Variants in GRIP1 observed in about 807,000 individuals in gnomAD.
GRIP1 encodes the protein glutamate receptor interacting protein 1, also known as glutamate receptor-interacting protein 1.
GRIP1 carries 45 observed loss-of-function variants against 129.9 expected under a neutral mutation model. The observed-to-expected ratio is 0.35, with a 90% CI of 0.27 to 0.44. The LOEUF (loss-of-function observed/expected upper bound fraction) is 0.44. Ranked by LOEUF, GRIP1 falls within the 20% of genes least tolerant of loss-of-function variation. The probability of loss-of-function intolerance (pLI) is 1.00; values close to 1 mark genes in which losing one functional copy is unlikely to be tolerated. For synonymous variants in GRIP1, 530 were observed against 520.8 expected (o/e 1.02, Z -0.24); for missense variants, 1,196 against 1,396.8 (o/e 0.86, Z 2.29).
chr12:66,954,427 C>T (rs191730629), intron 1 of GRIP1, among the ~76,000 whole-genome samples: 1 of 152,278 alleles, frequency 6.6e-6, no homozygotes, highest in African/African-American at 2.4e-5. Context: ...GACTAGATCC[C>T]TAGGAGAAAG....
intron 1 of GRIP1, among the ~76,000 whole-genome samples, chr12:67,065,577 A>C (rs2043610758): frequency 6.6e-6 from 1 of 152,226 alleles, no homozygotes; most frequent in Non-Finnish European, 1.5e-5. Flanking sequence ...ATACAAATTA[A>C]TATTTTTCTC....
chr12:66,527,798 C>T (rs1300735242), intron 5 of GRIP1, among the ~76,000 whole-genome samples: 1 of 151,846 alleles, frequency 6.6e-6, no homozygotes, highest in Non-Finnish European at 1.5e-5. Flanking sequence ...GACACTGAGG[C>T]CTATTTGAGG....
chr12:66,620,664 TTC>T lies in GRIP1; in HGVS notation c.56-23739_56-23738del, dbSNP rs367772234. On this transcript the variant is annotated intron_variant, in intron 1 of 24. Coordinates refer to ENST00000359742, the MANE Select transcript of GRIP1 (RefSeq NM_001366722.1). ...CTGCTGATCAGTGCATTCTTTCTCTTTCTTTTTCTTTTTTTTCTTTTTCTTTA... is the reference window on the plus strand; with the variant it reads ...CTGCTGATCAGTGCATTCTTTCTCTTTTTTTCTTTTTTTTCTTTTTCTTTA... Among the ~76,000 whole-genome samples, 81 of 152,136 alleles carry T rather than the reference TTC, an allele frequency of 5.3e-4. 1 individual carries two copies. The highest frequency in any genetic ancestry group is 1.8e-3 in the African/African-American group (74 of 41,504).
intron 19 of GRIP1, among the ~76,000 whole-genome samples, chr12:66,391,973 A>T (rs1282979777): frequency 6.6e-6 from 1 of 152,192 alleles, no homozygotes; most frequent in Non-Finnish European, 1.5e-5. Context: ...CTGAAAAATA[A>T]GGCAATGGGG....
chr12:66,436,620 A>C (rs1054359422), intron 13 of GRIP1, among the ~76,000 whole-genome samples: 1 of 152,162 alleles, frequency 6.6e-6, no homozygotes, highest in Non-Finnish European at 1.5e-5. Flanking sequence ...GGTTATAAGC[A>C]CCTTTTACTT....
At chr12:66,836,399 T>C (rs2039614954) in intron 1 of GRIP1, among the ~76,000 whole-genome samples, 1 of 152,178 alleles carries the variant, frequency 6.6e-6, no homozygotes, top group South Asian at 2.1e-4. Flanking sequence ...ACTTAGTTCA[T>C]GGGAGCTTTC....
chr12:66,852,395 G>A (rs907899711), intron 1 of GRIP1, among the ~76,000 whole-genome samples: 5 of 151,680 alleles, frequency 3.3e-5, no homozygotes, highest in African/African-American at 9.7e-5. Flanking sequence ...AATGAGATTC[G>A]AGTAGAGTAT....
At chr12:66,538,330 G>T (rs922986565) in intron 4 of GRIP1, among the ~76,000 whole-genome samples, 1 of 151,616 alleles carries the variant, frequency 6.6e-6, no homozygotes, top group Non-Finnish European at 1.5e-5. Context: ...CTCCCAAGTA[G>T]CTGGGACTAC....
intron 2 of GRIP1, among the ~76,000 whole-genome samples, chr12:66,566,055 T>C (rs766451794): frequency 5.9e-5 from 9 of 152,226 alleles, no homozygotes; most frequent in Non-Finnish European, 1.2e-4. Flanking sequence ...TATACAATCA[T>C]GTCATCTGCA....
chr12:66,927,435 T>C (rs1206606006), intron 1 of GRIP1, among the ~76,000 whole-genome samples: 1 of 152,202 alleles, frequency 6.6e-6, no homozygotes, highest in Non-Finnish European at 1.5e-5. Flanking sequence ...CAATAAGACA[T>C]GTCCCTATGC....
chr12:66,835,359 C>G (rs752122473), intron 1 of GRIP1, among the ~76,000 whole-genome samples: 24 of 152,278 alleles, frequency 1.6e-4, no homozygotes, highest in Non-Finnish European at 3.1e-4. Context: ...CTTATGTTCA[C>G]ATAAAAACCT....
intron 11 of GRIP1, among the ~76,000 whole-genome samples, chr12:66,449,521 T>TG (rs1225837257): frequency 6.6e-6 from 1 of 152,056 alleles, no homozygotes; most frequent in Non-Finnish European, 1.5e-5. Context: ...TAGCCTGCAG[T>TG]GGGGGGTGAA....
At chr12:66,959,295 T>C (rs971967072) in intron 1 of GRIP1, among the ~76,000 whole-genome samples, 1 of 152,156 alleles carries the variant, frequency 6.6e-6, no homozygotes, top group Non-Finnish European at 1.5e-5. Flanking sequence ...TAGTTTTGTT[T>C]GGTTTTTTGC....
At chr12:66,715,077 T>C (rs2035834584) in intron 1 of GRIP1, among the ~76,000 whole-genome samples, 1 of 152,104 alleles carries the variant, frequency 6.6e-6, no homozygotes, top group Admixed American at 6.6e-5. Flanking sequence ...TAGGCTTTCA[T>C]GTCTGCTTTG....
At chr12:66,700,680 G>C (rs541197450) in intron 1 of GRIP1, among the ~76,000 whole-genome samples, 6 of 151,972 alleles carry the variant, frequency 3.9e-5, no homozygotes, top group Non-Finnish European at 7.4e-5. Context: ...AGGATAGGCT[G>C]GGGGGGAGAA....
chr12:67,028,181 C>T (rs1159105103), intron 1 of GRIP1, among the ~76,000 whole-genome samples: 1 of 152,180 alleles, frequency 6.6e-6, no homozygotes, highest in Non-Finnish European at 1.5e-5. Flanking sequence ...TCACTTTCAG[C>T]CAAAGGGACT....
rs559571921 is a variant in GRIP1 at position 66,802,238 on chromosome 12, T to C, written c.-420+1815A>G. ...CTGTTTATTATGTAGTAGTTTCAAG[T>C]TGGGGACCCAATTTGCAACTAACTC... On this transcript the variant is annotated intron_variant, in intron 1 of 4. Transcript: ENST00000538373. Among the ~76,000 whole-genome samples the C allele has an allele frequency of 1.5e-3, 223 of 152,208 alleles. 1 individual carries two copies. Among genetic ancestry groups the C allele is most frequent in the Middle Eastern group, 6.8e-3 (2 of 294 alleles).
At chr12:67,005,186 C>T (rs935277245) in intron 1 of GRIP1, among the ~76,000 whole-genome samples, 1 of 152,158 alleles carries the variant, frequency 6.6e-6, no homozygotes, top group Non-Finnish European at 1.5e-5. Flanking sequence ...GCTGCCCTCT[C>T]CCCTTCATAA....
chr12:66,806,412 T>C (rs2038994107), upstream of GRIP1, among the ~76,000 whole-genome samples: 2 of 152,214 alleles, frequency 1.3e-5, no homozygotes, highest in Non-Finnish European at 2.9e-5. Context: ...AACATATATC[T>C]TGGTTTATGT....
Sources: allele counts gnomAD v4.1 joint callset (sites outside exome capture counted in the v4.1 genomes callset), GRCh38; gene constraint gnomAD v4.1.1; transcripts MANE v1.5; gene names NCBI Gene and HGNC (gene_info 2026-07-23, HGNC 2026-07-21).